Variants in GSE1 observed in about 807,000 individuals in gnomAD.
GSE1 encodes genetic suppressor element 1.
Under a neutral mutation model 112.6 loss-of-function variants are expected in GSE1, and 32 were observed. The observed-to-expected ratio is 0.28, with a 90% CI of 0.21 to 0.38. The LOEUF (loss-of-function observed/expected upper bound fraction) is 0.38. GSE1 is among the 10% of genes least tolerant of loss of function. GSE1 has a pLI of 1.00. For missense variants in GSE1, 2,348 were observed against 1,699.2 expected (o/e 1.38, Z -6.71); for synonymous variants, 1,115 against 735.6 (o/e 1.52, Z -8.35).
chr16:85,584,301 G>A (rs1567615193), intron 1 of GSE1, among the ~76,000 whole-genome samples: 1 of 152,172 alleles, frequency 6.6e-6, no homozygotes, highest in Non-Finnish European at 1.5e-5. Context: ...GGCTAGCTGG[G>A]ATGTGCATAT....
chr16:85,221,530 C>A (rs753114114), intron 1 of GSE1, among the ~76,000 whole-genome samples: 4 of 152,152 alleles, frequency 2.6e-5, no homozygotes, highest in Non-Finnish European at 4.4e-5. Flanking sequence ...ACAGGGATGA[C>A]CTGGTCCCCT....
chr16:85,243,768 A>G (rs34772519), intron 1 of GSE1, among the ~76,000 whole-genome samples: 31,827 of 152,154 alleles, frequency 0.21, 3,446 homozygotes, highest in South Asian at 0.35. Context: ...AGGATCCACC[A>G]TGGTCATTTT....
At chr16:85,464,141 CTCTG>C (rs1248019395) in intron 2 of GSE1, among the ~76,000 whole-genome samples, 1 of 152,154 alleles carries the variant, frequency 6.6e-6, no homozygotes, top group Non-Finnish European at 1.5e-5. Flanking sequence ...CCCCTCCTCT[CTCTG>C]TGTGCACCTC....
intron 1 of GSE1, among the ~76,000 whole-genome samples, chr16:85,577,792 G>A (rs137900390): frequency 1.3e-5 from 2 of 152,328 alleles, no homozygotes; most frequent in African/African-American, 4.8e-5. Context: ...CCCCAGCAGG[G>A]CAGATAAAGG....
chr16:85,642,497 G>A (rs1230903815), intron 2 of GSE1, among the ~76,000 whole-genome samples: 1 of 152,210 alleles, frequency 6.6e-6, no homozygotes, highest in Non-Finnish European at 1.5e-5. Context: ...CCAAGGGGCT[G>A]AGACAGGGGT....
In GSE1 at chr16:85,667,507, C is replaced by T. The variant is rs561448922; in HGVS notation, c.3131-633C>T. ...TTATGCCTAGGGATCAAAACAGCCA[C>T]GCCTTGTGAGAGGATGGGCTGGTGT... On this transcript the variant is annotated intron_variant, in intron 13 of 15. Coordinates refer to ENST00000253458, the MANE Select transcript of GSE1 (RefSeq NM_014615.5). Among the ~76,000 whole-genome samples, 13 of 152,338 alleles carry T rather than the reference C, an allele frequency of 8.5e-5. 1 individual carries two copies. Among genetic ancestry groups the T allele is most frequent in the South Asian group, 6.2e-4 (3 of 4,834 alleles).
At chr16:85,436,377 C>G (rs552684501) in intron 2 of GSE1, among the ~76,000 whole-genome samples, 9 of 152,246 alleles carry the variant, frequency 5.9e-5, no homozygotes, top group African/African-American at 2.2e-4. Flanking sequence ...CCCATCCTAG[C>G]CCTGAGTCCA....
At chr16:85,628,688 C>T (rs912172239) in intron 1 of GSE1, among the ~76,000 whole-genome samples, 4 of 152,206 alleles carry the variant, frequency 2.6e-5, no homozygotes, top group African/African-American at 9.7e-5. Context: ...AGCCGCCATC[C>T]CTTTGAATGT....
chr16:85,480,775 T>A (rs1019303159), intron 2 of GSE1, among the ~76,000 whole-genome samples: 3 of 152,198 alleles, frequency 2.0e-5, no homozygotes, highest in East Asian at 1.9e-4. Context: ...AGGGCCCCCA[T>A]CCCCACCGTC....
chr16:85,414,874 G>A (rs1480543684), intron 2 of GSE1, among the ~76,000 whole-genome samples: 4 of 152,168 alleles, frequency 2.6e-5, no homozygotes, highest in African/African-American at 7.2e-5. Context: ...GACCTCAGGC[G>A]ATCCACCTGC....
chr16:85,512,435 C>A (rs753496411), intron 2 of GSE1, among the ~76,000 whole-genome samples: 2 of 152,218 alleles, frequency 1.3e-5, no homozygotes, highest in Non-Finnish European at 2.9e-5. Flanking sequence ...ACAGCCTGTG[C>A]TACTCCCCAA....
intron 6 of GSE1, 146 bp from the exon 7 acceptor site, chr16:85,656,197 C>T: frequency 9.9e-7 from 1 of 1,014,636 alleles, no homozygotes; most frequent in Non-Finnish European, 1.5e-6. Context: ...TAAGTTCTTC[C>T]TGCACCAGTG....
intron 1 of GSE1, among the ~76,000 whole-genome samples, chr16:85,243,319 G>T (rs965139931): frequency 1.3e-5 from 2 of 152,244 alleles, no homozygotes; most frequent in African/African-American, 4.8e-5. Context: ...CTTTCTGGGG[G>T]CTACAGGGGA....
chr16:85,537,313 T>C (rs1358135501), intron 2 of GSE1, among the ~76,000 whole-genome samples: 2 of 152,110 alleles, frequency 1.3e-5, no homozygotes, highest in Non-Finnish European at 2.9e-5. Context: ...AGGCATTTGC[T>C]AAGAGCAGGG....
intron 1 of GSE1, among the ~76,000 whole-genome samples, chr16:85,339,300 T>G (rs1045674354): frequency 2.6e-5 from 4 of 152,180 alleles, no homozygotes; most frequent in Admixed American, 1.3e-4. Context: ...GGCGACATCC[T>G]TTTCCTCCTG....
At chr16:85,630,762 G>C (rs1210629419) in intron 1 of GSE1, among the ~76,000 whole-genome samples, 2 of 152,200 alleles carry the variant, frequency 1.3e-5, no homozygotes, top group South Asian at 4.1e-4. Context: ...CCAGGAAGCC[G>C]GGTTCAAGTC....
In GSE1 at chr16:85,675,290, G is replaced by A. The variant is rs2053621986; in HGVS notation, c.*2751G>A. ...GACCATCTTCCTACATTACCTGGAA[G>A]GGAGCTGCCATCTGTCCCTCTGCAG... On this transcript the variant is annotated 3_prime_UTR_variant, in exon 16 of 16. Transcript: ENST00000253458. 1 of 152,164 alleles carries A rather than the reference G, an allele frequency of 6.6e-6. No individual in the cohort carries two copies. Among genetic ancestry groups the A allele is most frequent in the African/African-American group, 2.4e-5 (1 of 41,428 alleles). The allele number at this position is 152,164 out of a possible 1,614,324, so 9.4% of individuals were successfully genotyped here. A position where few individuals can be genotyped will look rare whatever the true frequency, so the allele number is the denominator to read the frequency against.
At chr16:85,632,795 A>G (rs2049650872) in intron 1 of GSE1, among the ~76,000 whole-genome samples, 1 of 152,060 alleles carries the variant, frequency 6.6e-6, no homozygotes, top group Non-Finnish European at 1.5e-5. Flanking sequence ...CCCAAGATGC[A>G]TCCACAGGGA....
At chr16:85,511,328 A>G (rs1304676116) in intron 2 of GSE1, among the ~76,000 whole-genome samples, 1 of 152,216 alleles carries the variant, frequency 6.6e-6, no homozygotes, top group Non-Finnish European at 1.5e-5. Flanking sequence ...GGAGTTCGAG[A>G]CCAGCCCGAC....
Sources: allele counts gnomAD v4.1 joint callset (sites outside exome capture counted in the v4.1 genomes callset), GRCh38; gene constraint gnomAD v4.1.1; transcripts MANE v1.5; gene names NCBI Gene and HGNC (gene_info 2026-07-23, HGNC 2026-07-21).